The following CELF4 variants were observed in gnomAD, a reference collection of about 807,000 sequenced individuals.
CELF4 encodes CUGBP Elav-like family member 4.
In CELF4, 18 loss-of-function variants were observed where a neutral mutation model predicts 59.9. The ratio of observed to expected loss-of-function variants is 0.30; its 90% CI spans 0.21 to 0.45. CELF4 has a LOEUF of 0.45. Among genes scored for constraint, CELF4 ranks in the 20% least tolerant of loss-of-function variants. The pLI is 1.00. For missense variants in CELF4, 456 were observed against 689.0 expected, an observed-to-expected ratio of 0.66 and a Z score of 3.79; for synonymous variants, 261 against 267.1, an observed-to-expected ratio of 0.98 and a Z score of 0.22.
intron 2 of CELF4, among the ~76,000 whole-genome samples, chr18:37,325,283 G>A (rs2097267413): frequency 6.6e-6 from 1 of 152,174 alleles, no homozygotes; most frequent in African/African-American, 2.4e-5. Context: ...CACTGGAGGA[G>A]ACTCCTTTCC....
intron 2 of CELF4, among the ~76,000 whole-genome samples, chr18:37,323,422 G>C (rs1165014696): frequency 1.3e-5 from 2 of 152,228 alleles, no homozygotes; most frequent in African/African-American, 2.4e-5. Flanking sequence ...ACAGGGAGAA[G>C]AAGGAGGAAC....
At chr18:37,442,194 G>A (rs2099731181) in intron 2 of CELF4, among the ~76,000 whole-genome samples, 1 of 152,142 alleles carries the variant, frequency 6.6e-6, no homozygotes, top group Non-Finnish European at 1.5e-5. Flanking sequence ...AGCAGCAGCA[G>A]CTCAATGGAA....
At chr18:37,277,520 T>G (rs1050325248) in intron 3 of CELF4, among the ~76,000 whole-genome samples, 10 of 151,750 alleles carry the variant, frequency 6.6e-5, no homozygotes, top group Non-Finnish European at 1.5e-4. Context: ...GAGATAGAGT[T>G]CAGCGCAGAA....
chr18:37,411,359 T>C (rs2099454750), intron 2 of CELF4, among the ~76,000 whole-genome samples: 1 of 152,142 alleles, frequency 6.6e-6, no homozygotes, highest in South Asian at 2.1e-4. Flanking sequence ...CGTGTGTGTT[T>C]ATGTGGGCAT....
intron 2 of CELF4, among the ~76,000 whole-genome samples, chr18:37,413,482 G>A (rs2099493465): frequency 6.6e-6 from 1 of 152,154 alleles, no homozygotes; most frequent in Non-Finnish European, 1.5e-5. Flanking sequence ...CCTGAAAACA[G>A]GCCACACAGG....
chr18:37,434,365 A>G (rs2099682053), intron 2 of CELF4, among the ~76,000 whole-genome samples: 1 of 152,094 alleles, frequency 6.6e-6, no homozygotes, highest in Non-Finnish European at 1.5e-5. Context: ...TGCTGTTGTG[A>G]CCACTGAAAT....
At chr18:37,324,714 T>C (rs2097243202) in intron 2 of CELF4, among the ~76,000 whole-genome samples, 1 of 152,080 alleles carries the variant, frequency 6.6e-6, no homozygotes, top group Non-Finnish European at 1.5e-5. Context: ...GAGGTGGTGC[T>C]TAAGTGACCC....
chr18:37,498,970 C>G (rs1339109459), intron 1 of CELF4, among the ~76,000 whole-genome samples: 2 of 152,120 alleles, frequency 1.3e-5, no homozygotes, highest in Admixed American at 1.3e-4. Flanking sequence ...TGTTGTTGTC[C>G]GTAGTAATAG....
At chr18:37,429,755 C>T (rs896009581) in intron 2 of CELF4, among the ~76,000 whole-genome samples, 13 of 151,682 alleles carry the variant, frequency 8.6e-5, no homozygotes, top group African/African-American at 1.7e-4. Context: ...CTAGGGCTTC[C>T]GTTTGGCCTT....
At chr18:37,330,571 C>A (rs368763748) in intron 2 of CELF4, among the ~76,000 whole-genome samples, 1 of 152,222 alleles carries the variant, frequency 6.6e-6, no homozygotes, top group African/African-American at 2.4e-5. Flanking sequence ...TTCAGAGACA[C>A]CTGACAGATA....
intron 1 of CELF4, among the ~76,000 whole-genome samples, chr18:37,506,725 C>CA (rs2099938450): frequency 6.6e-6 from 1 of 152,224 alleles, no homozygotes. Context: ...CACTGCACAT[C>CA]AGCCCAACGG....
chr18:37,277,537 T>TG (rs1332130457), intron 3 of CELF4, among the ~76,000 whole-genome samples: 6 of 148,956 alleles, frequency 4.0e-5, no homozygotes, highest in East Asian at 2.0e-4. Flanking sequence ...AGAAAGGGAG[T>TG]GGGGGAGAGA....
At chr18:37,475,641 C>T (rs1298973112) in intron 2 of CELF4, among the ~76,000 whole-genome samples, 2 of 152,084 alleles carry the variant, frequency 1.3e-5, no homozygotes, top group African/African-American at 4.8e-5. Context: ...CTTGCTGGGG[C>T]CTGAAGCCAT....
chr18:37,363,341 G>C (rs2098734566), intron 2 of CELF4, among the ~76,000 whole-genome samples: 1 of 152,184 alleles, frequency 6.6e-6, no homozygotes, highest in Non-Finnish European at 1.5e-5. Context: ...CAACAAATAG[G>C]AAAGGAGGAA....
intron 3 of CELF4, among the ~76,000 whole-genome samples, chr18:37,306,650 G>C (rs939787966): frequency 6.6e-6 from 1 of 152,192 alleles, no homozygotes; most frequent in Non-Finnish European, 1.5e-5. Context: ...TCCCAGCCTT[G>C]TGCTTGGACT....
intron 2 of CELF4, among the ~76,000 whole-genome samples, chr18:37,392,199 T>TGTGAGCTG (rs1285345337): frequency 3.3e-5 from 5 of 152,174 alleles, no homozygotes; most frequent in African/African-American, 1.2e-4. Context: ...GGGGAAGAGC[T>TGTGAGCTG]GTGAGCTGGT....
chr18:37,368,521 G>A (rs565038677), intron 2 of CELF4, among the ~76,000 whole-genome samples: 3 of 152,270 alleles, frequency 2.0e-5, no homozygotes, highest in South Asian at 2.1e-4. Context: ...GTCCTGTCCC[G>A]TCTTGTCTGC....
In CELF4 at chr18:37,253,045, A is replaced by AG. The variant is rs1290453126; in HGVS notation, c.*44+721dup. Among the ~76,000 whole-genome samples the AG allele has an allele frequency of 4.9e-5, 7 of 143,122 alleles. No homozygotes were observed. In the South Asian group the frequency reaches 1.5e-3, roughly 30 times the overall value. 93.9% of individuals were successfully genotyped at this position (143,122 alleles called of 152,430 possible). On this transcript the variant is annotated intron_variant, in intron 12 of 12. Transcript: ENST00000420428. The surrounding 1 kb of genome is among the most constrained non-coding windows in gnomAD (Gnocchi z 4.5). ...TCTTTCTGCAGGAAGAACTTTGCTC[A>AG]GGGGAACACGTGGGCTGGAAGAGGC...
At position 37,465,763 on chromosome 18, in the gene CELF4, G is replaced by A. The variant is rs554977134; in HGVS notation, c.369+19762C>T. On this transcript the variant is annotated intron_variant, in intron 2 of 12. Coordinates refer to ENST00000420428, the MANE Select transcript of CELF4 (RefSeq NM_020180.4). ...AAGTGTAATGGAAGGGAATTGGTAT[G>A]CATGGGGTAGTCAAGAAAGGCTGCA... 4.5e-4 allele frequency among the ~76,000 whole-genome samples: 68 copies of A among 152,308 alleles called. 1 individual carries two copies. The highest frequency in any genetic ancestry group is 1.6e-3 in the African/African-American group (65 of 41,576).
Sources: allele counts gnomAD v4.1 joint callset (sites outside exome capture counted in the v4.1 genomes callset), GRCh38; gene constraint gnomAD v4.1.1; non-coding constraint Gnocchi (gnomAD v3.1); transcripts MANE v1.5; gene names NCBI Gene and HGNC (gene_info 2026-07-23, HGNC 2026-07-21).